HIRA: variants seen among roughly 807,000 people sequenced by gnomAD.
HIRA encodes protein HIRA.
Under a neutral mutation model 126.6 loss-of-function variants are expected in HIRA, and 13 were observed. The observed-to-expected ratio is 0.10, with a 90% CI of 0.07 to 0.16. HIRA has a LOEUF of 0.16. HIRA is among the 10% of genes least tolerant of loss of function. The probability of loss-of-function intolerance (pLI) is 1.00; values close to 1 mark genes in which losing one functional copy is unlikely to be tolerated. For synonymous variants in HIRA, 511 were observed against 520.0 expected, an observed-to-expected ratio of 0.98 and a Z score of 0.24; for missense variants, 834 against 1,314.4, an observed-to-expected ratio of 0.63 and a Z score of 5.65.
intron 1 of HIRA, among the ~76,000 whole-genome samples, chr22:19,418,396 G>A (rs4594539): frequency 0.031 from 4,639 of 152,032 alleles, 144 homozygotes; most frequent in South Asian, 0.13. Flanking sequence ...AGGCTGAGGC[G>A]GGTGGATCAT....
chr22:19,355,625 T>A, intron 21 of HIRA, 135 bp downstream of exon 21: 1 of 641,838 alleles, frequency 1.6e-6, no homozygotes. Flanking sequence ...AGATAGTCAA[T>A]GCAGCCTGCA....
In HIRA at chr22:19,357,609, C is replaced by G. The variant is rs189899950; in HGVS notation, c.2235-558G>C. Among the ~76,000 whole-genome samples the G allele has an allele frequency of 2.8e-3, 419 of 152,318 alleles. 1 individual carries two copies. The highest frequency in any genetic ancestry group is 4.9e-3 in the Non-Finnish European group (334 of 68,030). On this transcript the variant is annotated intron_variant, in intron 18 of 24. Coordinates refer to ENST00000263208, the MANE Select transcript of HIRA (RefSeq NM_003325.4). ...GCTTCTCCCGAGTGACCACCAGGCC[C>G]CTGGGTGGGCCCTGCACGAGCAGGC...
chr22:19,356,006 C>A (rs2088808383), intron 20 of HIRA, 141 bp from the exon 21 acceptor site: 3 of 721,226 alleles, frequency 4.2e-6, no homozygotes, highest in Non-Finnish European at 7.1e-6. Flanking sequence ...ATAGGGAGGG[C>A]AAGCCATTCT....
In HIRA at chr22:19,361,888, G is replaced by C; in HGVS notation, c.1819C>G (p.Leu607Val). The C allele has an allele frequency of 3.1e-6, 5 of 1,614,226 alleles. No homozygotes were observed. The highest frequency in any genetic ancestry group is 4.2e-6 in the Non-Finnish European group (5 of 1,180,046). ...TCGCTGTCACTGCTGCTCTCCAGGA[G>C]GTCTCGGGGCCTCAGCTCTTTCACA... ...NLVKELRPRD[L>V]LESSSDSDEK... Residue 607 changes from leucine to valine, a missense_variant, in exon 16 of 25, where the codon CTC becomes GTC. Coordinates refer to ENST00000263208, the MANE Select transcript of HIRA (RefSeq NM_003325.4).
intron 11 of HIRA, 30 bp from the exon 12 acceptor site, chr22:19,385,766 C>T (rs779387387): frequency 1.3e-6 from 2 of 1,595,280 alleles, no homozygotes; most frequent in East Asian, 2.3e-5. Context: ...CATGACATGC[C>T]AGCATGAGTG....
chr22:19,342,707 A>G (rs2088644604), intron 24 of HIRA, among the ~76,000 whole-genome samples: 1 of 152,210 alleles, frequency 6.6e-6, no homozygotes, highest in African/African-American at 2.4e-5. Flanking sequence ...TTAAAGAACT[A>G]AAAGTAGAAC....
At chr22:19,370,512 A>G (rs2088955094) in intron 15 of HIRA, among the ~76,000 whole-genome samples, 1 of 152,012 alleles carries the variant, frequency 6.6e-6, no homozygotes, top group African/African-American at 2.4e-5. Context: ...CCAGAATGCT[A>G]GGATTGACTA....
intron 15 of HIRA, among the ~76,000 whole-genome samples, chr22:19,364,780 G>T (rs1318722292): frequency 6.6e-6 from 1 of 152,100 alleles, no homozygotes; most frequent in African/African-American, 2.4e-5. Flanking sequence ...CCCTATAATG[G>T]CCTCTAAGTA....
At chr22:19,342,635 G>A (rs1166801016) in intron 24 of HIRA, among the ~76,000 whole-genome samples, 3 of 152,082 alleles carry the variant, frequency 2.0e-5, no homozygotes, top group African/African-American at 7.2e-5. Flanking sequence ...TGATCTTTCC[G>A]CCTCAGCCTC....
intron 14 of HIRA, 59 bp from the exon 15 acceptor site, chr22:19,375,851 A>C: frequency 6.4e-7 from 1 of 1,564,872 alleles, no homozygotes; most frequent in South Asian, 1.1e-5. Context: ...CTGGAGGTCT[A>C]GTATTTGCAT....
chr22:19,394,544 G>C, intron 7 of HIRA, 35 bp from the exon 8 acceptor site: 7 of 1,601,244 alleles, frequency 4.4e-6, no homozygotes, highest in Non-Finnish European at 6.0e-6. Flanking sequence ...AGGAGCTCAA[G>C]GCCACCTTTG....
chr22:19,431,406 G>A (rs2089537997), intron 1 of HIRA, 34 bp downstream of exon 1: 2 of 1,605,564 alleles, frequency 1.2e-6, no homozygotes, highest in Non-Finnish European at 1.7e-6. Context: ...CCCGACTCCG[G>A]GCTCGGCCTC....
intron 5 of HIRA, 22 bp from the exon 6 acceptor site, chr22:19,398,109 T>C (rs975635076): frequency 6.3e-7 from 1 of 1,580,422 alleles, no homozygotes; most frequent in Non-Finnish European, 8.7e-7. Flanking sequence ...CAGAGGGTTC[T>C]GGTGAGATCT....
chr22:19,402,299 C>G (rs1223513683), intron 5 of HIRA, among the ~76,000 whole-genome samples: 1 of 152,182 alleles, frequency 6.6e-6, no homozygotes, highest in Non-Finnish European at 1.5e-5. Context: ...TTTCATCTAG[C>G]CTTTCAATTT....
At chr22:19,343,886 A>ACG (rs376744270) in intron 24 of HIRA, among the ~76,000 whole-genome samples, 1 of 145,082 alleles carries the variant, frequency 6.9e-6, no homozygotes, top group South Asian at 2.2e-4. Context: ...AAAAAAAAAA[A>ACG]AGAGAGAGAG....
rs374751219 is a variant in HIRA at position 19,420,509 on chromosome 22, A to T, written c.38-9731T>A. Reference sequence around the variant, plus strand: ...AAACCAAAACAAAAAACAAACAAACAAACAAAACCCCAAAAAACAAAAAAG... The same window carrying T: ...AAACCAAAACAAAAAACAAACAAACTAACAAAACCCCAAAAAACAAAAAAG... On this transcript the variant is annotated intron_variant, in intron 1 of 24. Coordinates refer to ENST00000263208, the MANE Select transcript of HIRA (RefSeq NM_003325.4). Among the ~76,000 whole-genome samples the T allele has an allele frequency of 4.0e-5, 6 of 151,778 alleles. No individual in the cohort carries two copies. In the East Asian group the frequency reaches 9.7e-4, roughly 25 times the overall value.
intron 24 of HIRA, among the ~76,000 whole-genome samples, chr22:19,337,668 G>C (rs782725219): frequency 6.6e-6 from 1 of 152,076 alleles, no homozygotes; most frequent in Non-Finnish European, 1.5e-5. Flanking sequence ...AGAACACCTG[G>C]GAAATTTATC....
chr22:19,422,211 T>TAC (rs761396547), intron 1 of HIRA, among the ~76,000 whole-genome samples: 2,789 of 91,642 alleles, frequency 0.03, 47 homozygotes, highest in Non-Finnish European at 0.06. Context: ...TATATATATA[T>TAC]ACATATATAT....
chr22:19,390,817 G>C (rs1293551778), intron 9 of HIRA, among the ~76,000 whole-genome samples: 2 of 151,924 alleles, frequency 1.3e-5, no homozygotes, highest in African/African-American at 4.8e-5. Flanking sequence ...AAGTGCTCTA[G>C]GTCATATGCT....
Sources: allele counts gnomAD v4.1 joint callset (sites outside exome capture counted in the v4.1 genomes callset), GRCh38; gene constraint gnomAD v4.1.1; transcripts MANE v1.5; gene names NCBI Gene and HGNC (gene_info 2026-07-23, HGNC 2026-07-21).